Variants in KIAA1217 observed in about 807,000 individuals in gnomAD.
KIAA1217 encodes the protein sickle tail protein homolog.
KIAA1217 carries 88 observed loss-of-function variants against 163.9 expected under a neutral mutation model. That is an observed-to-expected ratio of 0.54 (90% CI 0.45 to 0.64). The LOEUF is 0.64. Ranked by LOEUF, KIAA1217 falls within the 30% of genes least tolerant of loss-of-function variation. The pLI, the probability that KIAA1217 is intolerant of heterozygous loss-of-function variation, is 0.00. For synonymous variants in KIAA1217, 903 were observed against 923.1 expected (o/e 0.98, Z 0.39); for missense variants, 2,372 against 2,475.0 (o/e 0.96, Z 0.88).
chr10:24,085,065 C>T (rs1391955255), intron 2 of KIAA1217, among the ~76,000 whole-genome samples: 1 of 152,012 alleles, frequency 6.6e-6, no homozygotes, highest in African/African-American at 2.4e-5. Flanking sequence ...AGGCGCCCGC[C>T]ACCACGCTCG....
chr10:23,875,759 CT>C (rs1483063535), intron 1 of KIAA1217, among the ~76,000 whole-genome samples: 2 of 151,998 alleles, frequency 1.3e-5, no homozygotes, highest in East Asian at 3.9e-4. Flanking sequence ...CCATGGAATA[CT>C]ATGTAGCCAT....
At chr10:24,166,008 C>G (rs983223037) in intron 2 of KIAA1217, among the ~76,000 whole-genome samples, 2 of 152,160 alleles carry the variant, frequency 1.3e-5, no homozygotes, top group Non-Finnish European at 2.9e-5. Flanking sequence ...CATGCTCCAT[C>G]CTCCTCCCCA....
intron 2 of KIAA1217, among the ~76,000 whole-genome samples, chr10:24,120,321 G>A (rs998043540): frequency 6.6e-6 from 1 of 152,182 alleles, no homozygotes; most frequent in African/African-American, 2.4e-5. Flanking sequence ...TATAATCTTG[G>A]ATGGCCATGA....
chr10:23,844,836 C>G (rs1318092732), intron 1 of KIAA1217, among the ~76,000 whole-genome samples: 1 of 151,904 alleles, frequency 6.6e-6, no homozygotes, highest in Non-Finnish European at 1.5e-5. Context: ...GTTTGCTGCA[C>G]CCATCAACCC....
At chr10:24,321,168 G>C (rs1276890375) in intron 2 of KIAA1217, among the ~76,000 whole-genome samples, 1 of 152,076 alleles carries the variant, frequency 6.6e-6, no homozygotes, top group Non-Finnish European at 1.5e-5. Flanking sequence ...TCACTTCTCT[G>C]TACCCAAAAT....
intron 1 of KIAA1217, among the ~76,000 whole-genome samples, chr10:23,832,079 A>G (rs1838230913): frequency 3.9e-5 from 6 of 152,000 alleles, no homozygotes; most frequent in Admixed American, 3.9e-4. Flanking sequence ...ATAGTGTCAG[A>G]TCTCTCAGGT....
At chr10:24,293,323 G>A (rs1417738421) in intron 2 of KIAA1217, among the ~76,000 whole-genome samples, 6 of 152,086 alleles carry the variant, frequency 3.9e-5, no homozygotes, top group African/African-American at 7.2e-5. Context: ...TGCCAGCGTC[G>A]GCCTCCCAAA....
chr10:23,856,891 C>T (rs938497172), intron 1 of KIAA1217, among the ~76,000 whole-genome samples: 3 of 152,168 alleles, frequency 2.0e-5, no homozygotes, highest in South Asian at 2.1e-4. Flanking sequence ...GGGAGTGACC[C>T]GATTTTCCAG....
rs778850288 is a variant in KIAA1217 at position 24,473,658 on chromosome 10, G to A, written c.1277G>A (p.Arg426His). Residue 426 changes from arginine (R) to histidine (H), a missense_variant, in exon 6 of 21, where the codon CGC (arginine) becomes CAC (histidine). Physicochemically the swap from Arg to His is conservative, Grantham distance 29. Transcript: ENST00000376454. ...DVPDHIIAYH[R>H]TAIRSASAYC... The stretch of plus-strand genomic sequence containing the variant: ...CCCGACCACATCATTGCATATCACC[G>A]CACCGCCATCCGGTCAGCGAGTGCT... 1.1e-5 allele frequency: 17 copies of A among 1,613,866 alleles called. No individual in the cohort carries two copies. Among genetic ancestry groups the A allele is most frequent in the East Asian group, 4.5e-5 (2 of 44,866 alleles).
At chr10:24,440,198 C>T (rs2060374053) in intron 5 of KIAA1217, among the ~76,000 whole-genome samples, 1 of 152,132 alleles carries the variant, frequency 6.6e-6, no homozygotes, top group Admixed American at 6.5e-5. Flanking sequence ...GATTTTCAGC[C>T]TTATTTTGCC....
intron 1 of KIAA1217, among the ~76,000 whole-genome samples, chr10:23,743,858 G>GTTAATAGGACCATGTTT (rs1362670845): frequency 6.6e-6 from 1 of 151,688 alleles, no homozygotes; most frequent in East Asian, 1.9e-4. Flanking sequence ...TGAATGTTTG[G>GTTAATAGGACCATGTTT]TTAATAGGAC....
At chr10:23,810,769 A>G (rs183428632) in intron 1 of KIAA1217, among the ~76,000 whole-genome samples, 1,365 of 126,216 alleles carry the variant, frequency 0.011, 21 homozygotes, top group African/African-American at 0.041. Context: ...TTATATAACT[A>G]TATATACTAA....
At chr10:24,255,743 C>T (rs373159785) in intron 2 of KIAA1217, 2 of 224,824 alleles carry the variant, frequency 8.9e-6, no homozygotes, top group Admixed American at 5.8e-5. Flanking sequence ...AAAAGAGGGC[C>T]GGGGGCCAAT....
chr10:24,526,171 TGAAAGTCACCAGTG>T (rs1428439184), intron 13 of KIAA1217, among the ~76,000 whole-genome samples: 6 of 152,164 alleles, frequency 3.9e-5, no homozygotes, highest in African/African-American at 1.4e-4. Context: ...CTGCCTCTAC[TGAAAGTCACCAGTG>T]GAGAGGTCAG....
At chr10:24,508,398 A>G (rs1403422072) in intron 9 of KIAA1217, among the ~76,000 whole-genome samples, 1 of 152,212 alleles carries the variant, frequency 6.6e-6, no homozygotes, top group Non-Finnish European at 1.5e-5. Context: ...GTTAATGGTG[A>G]AACACTAAAC....
intron 2 of KIAA1217, among the ~76,000 whole-genome samples, chr10:24,295,995 A>G (rs1401944776): frequency 6.6e-6 from 1 of 152,162 alleles, no homozygotes; most frequent in African/African-American, 2.4e-5. Context: ...GTGCCTTAGT[A>G]CTTAAAATGT....
chr10:23,881,241 T>C (rs576831072), intron 1 of KIAA1217, among the ~76,000 whole-genome samples: 1 of 152,104 alleles, frequency 6.6e-6, no homozygotes, highest in African/African-American at 2.4e-5. Context: ...TTGAAATTAG[T>C]TGTTATGCAA....
chr10:24,284,966 GA>G lies in KIAA1217; in HGVS notation c.354+65058del, dbSNP rs555299324. Among the ~76,000 whole-genome samples the G allele has an allele frequency of 9.0e-4, 137 of 152,220 alleles. 1 individual carries two copies. Among genetic ancestry groups the G allele is most frequent in the African/African-American group, 3.2e-3 (133 of 41,548 alleles). ...TGAGATGGTTTCTCATTGTGGTTTTGATTTGCATTTAATGATCAATGATGAT... is the reference window on the plus strand; with the variant it reads ...TGAGATGGTTTCTCATTGTGGTTTTGTTTGCATTTAATGATCAATGATGAT... On this transcript the variant is annotated intron_variant, in intron 2 of 20. Transcript: ENST00000376454.
At chr10:24,180,277 CTTCTTT>C in intron 2 of KIAA1217, among the ~76,000 whole-genome samples, 1 of 135,740 alleles carries the variant, frequency 7.4e-6, no homozygotes, top group African/African-American at 2.8e-5. Flanking sequence ...ACTCCTCAAC[CTTCTTT>C]TTTTTTTTTT....
Sources: gnomAD v4.1 joint callset for allele counts (sites outside exome capture counted in the v4.1 genomes callset) on GRCh38, gnomAD v4.1.1 for gene constraint, MANE v1.5 for transcripts, NCBI Gene and HGNC (gene_info 2026-07-23, HGNC 2026-07-21) for gene names.